ERMAP: variants seen among roughly 807,000 people sequenced by gnomAD.
The protein encoded by ERMAP is erythroid membrane-associated protein.
ERMAP carries 34 observed loss-of-function variants against 49.5 expected under a neutral mutation model. The ratio of observed to expected loss-of-function variants is 0.69; its 90% CI spans 0.52 to 0.91. ERMAP has a LOEUF of 0.91. ERMAP is among the 40% of genes least tolerant of loss of function. ERMAP has a pLI of 0.00. For synonymous variants in ERMAP, 214 were observed against 232.2 expected (o/e 0.92, Z 0.71); for missense variants, 541 against 582.6 (o/e 0.93, Z 0.74).
chr1:42,839,130 A>T, intron 8 of ERMAP: 1 of 712,176 alleles, frequency 1.4e-6, no homozygotes, highest in Non-Finnish European at 2.3e-6. Context: ...TAGTCTTTAA[A>T]TGAAAAACGT....
intron 2 of ERMAP, chr1:42,830,232 T>C (rs1188009661): frequency 3.5e-6 from 2 of 577,386 alleles, no homozygotes; most frequent in Admixed American, 6.0e-5. Flanking sequence ...GAGGCACAGT[T>C]CTTTTACCCA....
intron 5 of ERMAP, 123 bp from the exon 6 acceptor site, chr1:42,835,609 G>A (rs1259711246): frequency 1.6e-6 from 2 of 1,278,444 alleles, no homozygotes; most frequent in Non-Finnish European, 2.2e-6. Flanking sequence ...CCTTTCAAAT[G>A]CCCGCTTACC....
In ERMAP at chr1:42,843,402, A is replaced by G; in HGVS notation, c.*170A>G. On this transcript the variant is annotated 3_prime_UTR_variant, in exon 12 of 12. Transcript: ENST00000372517. ...CTCCCAGGCCTCAGTTCTGAAGCTT[A>G]CCTTTCTTCTAAGGAATTGAAGCTC... 1 of 528,690 alleles carries G rather than the reference A, an allele frequency of 1.9e-6. No homozygotes were observed. Among genetic ancestry groups the G allele is most frequent in the East Asian group, 3.1e-5 (1 of 32,662 alleles). The allele number at this position is 528,690 out of a possible 1,614,324, so 32.7% of individuals were successfully genotyped here. A position where few individuals can be genotyped will look rare whatever the true frequency, so the allele number is the denominator to read the frequency against.
At chr1:42,839,251 A>C (rs111535265) in intron 8 of ERMAP, 47 of 434,732 alleles carry the variant, frequency 1.1e-4, no homozygotes, top group Admixed American at 1.7e-4. Flanking sequence ...CAGGATCCTT[A>C]TTAAACTGAA....
chr1:42,820,083 C>T (rs12036861), intron 1 of ERMAP, among the ~76,000 whole-genome samples: 29,220 of 152,156 alleles, frequency 0.19, 3,500 homozygotes, highest in Non-Finnish European at 0.25. Context: ...CAGATTTCCA[C>T]ATTGGAAATT....
In ERMAP at chr1:42,843,571, C is replaced by T. The variant is rs1453903902; in HGVS notation, c.*339C>T. 4.9e-6 allele frequency: 1 copy of T among 205,500 alleles called. No homozygotes were observed. Among genetic ancestry groups the T allele is most frequent in the Non-Finnish European group, 9.6e-6 (1 of 104,194 alleles). 12.7% of individuals were successfully genotyped at this position (205,500 alleles called of 1,614,324 possible). ...AGGGGTTATTTAGAAGACACTTTCT[C>T]TGCCTCATCCTGCCCTCAAGCTTTA... On this transcript the variant is annotated 3_prime_UTR_variant, in exon 12 of 12. Coordinates refer to ENST00000372517, the MANE Select transcript of ERMAP (RefSeq NM_001017922.2).
intron 4 of ERMAP, 40 bp from the exon 5 acceptor site, chr1:42,834,998 A>C: frequency 1.2e-6 from 1 of 837,680 alleles, no homozygotes; most frequent in Non-Finnish European, 2.1e-6. Context: ...AAGCTCTTAG[A>C]CATCTCCCTG....
rs188121438 is a variant in ERMAP at position 42,835,612 on chromosome 1, C to T, written c.551-120C>T. 9.7e-5 allele frequency: 129 copies of T among 1,323,262 alleles called. 1 individual carries two copies. The East Asian group carries it at 2.6e-3, about 26-fold the overall frequency. The allele number at this position is 1,323,262 out of a possible 1,614,324, so 82.0% of individuals were successfully genotyped here. A position where few individuals can be genotyped will look rare whatever the true frequency, so the allele number is the denominator to read the frequency against. Reference sequence around the variant, plus strand: ...AGACTCTCTAATCCTTTCAAATGCCCGCTTACCTGTAGTGACAAGGAGTCA... The same window carrying T: ...AGACTCTCTAATCCTTTCAAATGCCTGCTTACCTGTAGTGACAAGGAGTCA... On this transcript the variant is annotated intron_variant, in intron 5 of 11. Coordinates refer to ENST00000372517, the MANE Select transcript of ERMAP (RefSeq NM_001017922.2).
chr1:42,825,596 T>C, intron 1 of ERMAP, 27 bp from the exon 2 acceptor site: 4 of 1,276,070 alleles, frequency 3.1e-6, no homozygotes, highest in South Asian at 1.3e-5. Context: ...TCATAAAATA[T>C]GAACTTTTCC....
At chr1:42,841,331 A>T (rs1655052291) in intron 11 of ERMAP, among the ~76,000 whole-genome samples, 1 of 152,236 alleles carries the variant, frequency 6.6e-6, no homozygotes, top group South Asian at 2.1e-4. Context: ...TGTGACACTC[A>T]TAATCCACAA....
At position 42,819,416 on chromosome 1, in the gene ERMAP, C is replaced by T. The variant is rs777682329; in HGVS notation, c.-122+2163C>T. Among the ~76,000 whole-genome samples the T allele has an allele frequency of 1.5e-4, 23 of 152,002 alleles. No homozygotes were observed. The highest frequency in any genetic ancestry group is 1.9e-4 in the East Asian group (1 of 5,180). On this transcript the variant is annotated intron_variant, in intron 1 of 11. Coordinates refer to ENST00000372517, the MANE Select transcript of ERMAP (RefSeq NM_001017922.2). The surrounding 1 kb of genome is among the most constrained non-coding windows in gnomAD (Gnocchi z 5.1). ...TGTTGAGGCTGAACACTGTCAAAGT[C>T]CCCTCTCTATTCTTTCCATGAGTTT...
chr1:42,835,211 G>A, intron 5 of ERMAP, 57 bp downstream of exon 5: 1 of 809,590 alleles, frequency 1.2e-6, no homozygotes, highest in Non-Finnish European at 2.2e-6. Flanking sequence ...GACTGCTCTG[G>A]GAAAGGGCCA....
At chr1:42,830,185 C>T in intron 2 of ERMAP, 1 of 504,968 alleles carries the variant, frequency 2.0e-6, no homozygotes, top group East Asian at 3.5e-5. Context: ...TCTGTGTGAG[C>T]ATTTACCTCT....
chr1:42,840,248 A>G, intron 10 of ERMAP, 22 bp from the exon 11 acceptor site: 2 of 1,614,014 alleles, frequency 1.2e-6, no homozygotes, highest in South Asian at 2.2e-5. Context: ...TACTTTAATG[A>G]TCCCCTTTTC....
chr1:42,817,387 C>A, intron 1 of ERMAP, 134 bp downstream of exon 1: 1 of 468,504 alleles, frequency 2.1e-6, no homozygotes, highest in Non-Finnish European at 3.0e-6. Context: ...GGAGCGGCCG[C>A]GCGTGCGCAG....
At chr1:42,827,559 T>C (rs1654590611) in intron 2 of ERMAP, among the ~76,000 whole-genome samples, 1 of 152,226 alleles carries the variant, frequency 6.6e-6, no homozygotes, top group Non-Finnish European at 1.5e-5. Context: ...GTGGAGGAAT[T>C]ACAGATGATT....
chr1:42,831,907 A>T (rs12123271), intron 4 of ERMAP, among the ~76,000 whole-genome samples: 30,870 of 151,744 alleles, frequency 0.2, 3,406 homozygotes, highest in East Asian at 0.4. Flanking sequence ...TTCAATATTT[A>T]AAAAAAACAG....
chr1:42,818,995 A>C (rs997689863), intron 1 of ERMAP, among the ~76,000 whole-genome samples: 1 of 152,184 alleles, frequency 6.6e-6, no homozygotes, highest in Non-Finnish European at 1.5e-5. Flanking sequence ...TTACAGCTGA[A>C]GACACGGCAG....
At chr1:42,823,660 T>C (rs148742876) in intron 1 of ERMAP, among the ~76,000 whole-genome samples, 184 of 152,348 alleles carry the variant, frequency 1.2e-3, no homozygotes, top group African/African-American at 4.2e-3. Context: ...TTACTTCAGC[T>C]CACAACTCAA....
Sources: allele counts gnomAD v4.1 joint callset (sites outside exome capture counted in the v4.1 genomes callset), GRCh38; gene constraint gnomAD v4.1.1; non-coding constraint Gnocchi (gnomAD v3.1); transcripts MANE v1.5; gene names NCBI Gene and HGNC (gene_info 2026-07-23, HGNC 2026-07-21).